Variants in ADGRD1 observed in about 807,000 individuals in gnomAD.
ADGRD1 encodes the protein adhesion G protein-coupled receptor D1.
ADGRD1 carries 77 observed loss-of-function variants against 113.4 expected under a neutral mutation model. The observed-to-expected ratio is 0.68, with a 90% CI of 0.57 to 0.82. ADGRD1 has a LOEUF of 0.82. ADGRD1 is among the 40% of genes least tolerant of loss of function. ADGRD1 has a pLI of 0.00. For synonymous variants in ADGRD1, 474 were observed against 475.0 expected (o/e 1.00, Z 0.03); for missense variants, 1,036 against 1,139.1 (o/e 0.91, Z 1.30).
intron 13 of ADGRD1, among the ~76,000 whole-genome samples, chr12:131,015,879 G>A (rs1263871080): frequency 6.6e-6 from 1 of 152,218 alleles, no homozygotes. Context: ...CACAGATCAG[G>A]TGGTGCTACT....
At chr12:131,091,010 C>T (rs536590623) in intron 15 of ADGRD1, among the ~76,000 whole-genome samples, 3 of 152,164 alleles carry the variant, frequency 2.0e-5, no homozygotes, top group Non-Finnish European at 4.4e-5. Context: ...GCAGTTCAAG[C>T]AGGGGAACGA....
chr12:131,130,392 T>C (rs1171190561), intron 20 of ADGRD1, among the ~76,000 whole-genome samples: 1 of 152,038 alleles, frequency 6.6e-6, no homozygotes, highest in Non-Finnish European at 1.5e-5. Flanking sequence ...ACTGCCACAA[T>C]AGTGTCCTAA....
chr12:130,976,213 G>C (rs1366448359), intron 4 of ADGRD1, among the ~76,000 whole-genome samples: 2 of 65,678 alleles, frequency 3.0e-5, no homozygotes, highest in Non-Finnish European at 1.0e-4. Context: ...GGGCCTGGCA[G>C]GGATCTAGCT....
chr12:131,129,897 C>T (rs1950868753), intron 20 of ADGRD1, among the ~76,000 whole-genome samples: 3 of 152,380 alleles, frequency 2.0e-5, no homozygotes, highest in Admixed American at 6.5e-5. Context: ...GCTTCCCAGG[C>T]AGATGGCCAA....
At chr12:131,064,170 T>C (rs1220071161) in intron 13 of ADGRD1, among the ~76,000 whole-genome samples, 1 of 152,244 alleles carries the variant, frequency 6.6e-6, no homozygotes, top group Non-Finnish European at 1.5e-5. Flanking sequence ...GTGCTTTTTC[T>C]TCCTTTCTGT....
At position 131,104,866 on chromosome 12, in the gene ADGRD1, C is replaced by T; in HGVS notation, c.1707C>T (p.Ile569=). 6.4e-7 allele frequency: 1 copy of T among 1,550,734 alleles called. No homozygotes were observed. Among genetic ancestry groups the T allele is most frequent in the South Asian group, 1.2e-5 (1 of 84,016 alleles). The change falls in exon 16 of 25, where the codon ATC becomes ATT. Residue 569 remains isoleucine, a synonymous_variant. Transcript: ENST00000261654. ...ARGHQVALSS[I]SYVGCSLSVL... Reference sequence around the variant, plus strand: ...GACACCAGGTGGCGCTGTCGTCTATCAGCTATGTGGGCTGCTCCCTCTCCG... The same window carrying T: ...GACACCAGGTGGCGCTGTCGTCTATTAGCTATGTGGGCTGCTCCCTCTCCG...
At chr12:131,039,051 G>A (rs1425587820) in intron 13 of ADGRD1, among the ~76,000 whole-genome samples, 1 of 152,238 alleles carries the variant, frequency 6.6e-6, no homozygotes, top group Non-Finnish European at 1.5e-5. Context: ...CTGCGGGAGA[G>A]GCCAGGAAAC....
rs565060410 is a variant in ADGRD1, at chr12:130,966,743, T to G, written c.187+197T>G. ...ACAATCTGCTTTGAAGCCACGGTGA[T>G]AGAGATGAACAAATACTTGTGTAAC... On this transcript the variant is annotated intron_variant, in intron 3 of 24. Coordinates refer to ENST00000261654, the MANE Select transcript of ADGRD1 (RefSeq NM_198827.5). This position sits in a 1 kb window ranked among gnomAD's most constrained non-coding sequence, Gnocchi z 4.6. 3 of 583,360 alleles carry G rather than the reference T, an allele frequency of 5.1e-6. No homozygotes were observed. Among genetic ancestry groups the G allele is most frequent in the South Asian group, 4.1e-5 (2 of 49,314 alleles). The allele number at this position is 583,360 out of a possible 1,614,324, so 36.1% of individuals were successfully genotyped here.
chr12:131,079,752 T>G (rs1302653115), intron 14 of ADGRD1, among the ~76,000 whole-genome samples: 1 of 152,216 alleles, frequency 6.6e-6, no homozygotes, highest in East Asian at 1.9e-4. Flanking sequence ...GTTGTTTAAT[T>G]TATAGGCACA....
At chr12:130,962,842 TGCAAATTGAAAAGTGGAACCAAG>T (rs1353611660) in intron 2 of ADGRD1, 3 of 152,190 alleles carry the variant, frequency 2.0e-5, no homozygotes, top group Non-Finnish European at 4.4e-5. Context: ...GAGGGACAGA[TGCAAATTGAAAAGTGGAACCAAG>T]GAACAGGACA....
chr12:131,092,666 G>T (rs1886990256), intron 15 of ADGRD1, among the ~76,000 whole-genome samples: 1 of 152,156 alleles, frequency 6.6e-6, no homozygotes, highest in African/African-American at 2.4e-5. Flanking sequence ...CCCTGTGCCA[G>T]TACAGGAGCA....
At chr12:131,034,710 G>C (rs1881180563) in intron 13 of ADGRD1, among the ~76,000 whole-genome samples, 1 of 152,182 alleles carries the variant, frequency 6.6e-6, no homozygotes, top group African/African-American at 2.4e-5. Context: ...GGACACGGTG[G>C]TGGCCCCTCG....
chr12:130,966,807 A>C lies in ADGRD1; in HGVS notation c.187+261A>C. On this transcript the variant is annotated intron_variant, in intron 3 of 24. Coordinates refer to ENST00000261654, the MANE Select transcript of ADGRD1 (RefSeq NM_198827.5). This position sits in a 1 kb window ranked among gnomAD's most constrained non-coding sequence, Gnocchi z 4.6. ...TATTTCAAAGCTTTTTTTTTTGTAG[A>C]GATGGGGTCTTGCTATGTTGCCAGG... 1 of 430,678 alleles carries C rather than the reference A, an allele frequency of 2.3e-6. No homozygotes were observed. The highest frequency in any genetic ancestry group is 2.2e-5 in the South Asian group (1 of 45,326). 26.7% of individuals were successfully genotyped at this position (430,678 alleles called of 1,614,324 possible).
rs201451511 is a variant in ADGRD1, at chr12:130,971,516, G to A, written c.246G>A (p.Thr82=). The change falls in exon 4 of 25, where the codon ACG becomes ACA. Residue 82 remains threonine (T), a synonymous_variant. Transcript: ENST00000261654. The surrounding 1 kb of genome is among the most constrained non-coding windows in gnomAD (Gnocchi z 4.2). ...GIYLKEEKGV[T]LLYYGRYNSS... Reference sequence around the variant, plus strand: ...ACCTGAAAGAGGAAAAGGGAGTCACGCTTCTCTATTACGGCAGGTACAACA... The same window carrying A: ...ACCTGAAAGAGGAAAAGGGAGTCACACTTCTCTATTACGGCAGGTACAACA... 107 of 1,613,502 alleles carry A rather than the reference G, an allele frequency of 6.6e-5. No homozygotes were observed. The highest frequency in any genetic ancestry group is 6.1e-5 in the Non-Finnish European group (72 of 1,179,726).
intron 13 of ADGRD1, among the ~76,000 whole-genome samples, chr12:131,017,748 A>C (rs1287654117): frequency 6.7e-6 from 1 of 149,344 alleles, no homozygotes; most frequent in Admixed American, 6.6e-5. Context: ...AGACACACCC[A>C]GTGCACACAT....
At chr12:131,049,482 A>T (rs1260748645) in intron 13 of ADGRD1, among the ~76,000 whole-genome samples, 1 of 152,222 alleles carries the variant, frequency 6.6e-6, no homozygotes, top group Non-Finnish European at 1.5e-5. Context: ...TTCTGGACAC[A>T]GAGTGTTGAC....
At chr12:130,974,134 T>C (rs941126782) in intron 4 of ADGRD1, among the ~76,000 whole-genome samples, 2 of 152,156 alleles carry the variant, frequency 1.3e-5, no homozygotes, top group African/African-American at 4.8e-5. Context: ...CCCGCTTTCC[T>C]CTGCTGTATC....
At chr12:131,040,021 C>A (rs1205347350) in intron 13 of ADGRD1, among the ~76,000 whole-genome samples, 2 of 152,326 alleles carry the variant, frequency 1.3e-5, no homozygotes, top group East Asian at 3.9e-4. Context: ...CCTGGCTGCT[C>A]TGTTTCCAGA....
At chr12:131,131,632 T>G (rs1593270156) in intron 20 of ADGRD1, 93 bp from the exon 21 acceptor site, 3 of 818,284 alleles carry the variant, frequency 3.7e-6, no homozygotes, top group South Asian at 1.6e-5. Context: ...TGGGCAGGGG[T>G]AGCCTGTGGT....
Sources: gnomAD v4.1 joint callset for allele counts (sites outside exome capture counted in the v4.1 genomes callset) on GRCh38, gnomAD v4.1.1 for gene constraint, Gnocchi (gnomAD v3.1) non-coding constraint, MANE v1.5 for transcripts, NCBI Gene and HGNC (gene_info 2026-07-23, HGNC 2026-07-21) for gene names.